Variants in SMIM35 observed in about 807,000 individuals in gnomAD.
The protein encoded by SMIM35 is small integral membrane protein 35.
intron 1 of SMIM35, among the ~76,000 whole-genome samples, chr11:118,024,138 A>AT (rs1304666585): frequency 6.0e-4 from 91 of 151,546 alleles, no homozygotes; most frequent in African/African-American, 2.2e-3. Context: ...AGAAAAAAAA[A>AT]TTTTGATGAG....
At chr11:118,030,030 G>A (rs1258135318) in intron 1 of SMIM35, among the ~76,000 whole-genome samples, 1 of 151,936 alleles carries the variant, frequency 6.6e-6, no homozygotes, top group Non-Finnish European at 1.5e-5. Context: ...GAATGGGCAG[G>A]GGGATATAAC....
At chr11:118,021,861 A>C (rs907893864) in intron 1 of SMIM35, among the ~76,000 whole-genome samples, 3 of 152,168 alleles carry the variant, frequency 2.0e-5, no homozygotes, top group Non-Finnish European at 4.4e-5. Context: ...CAATTGATAG[A>C]ACAGGAAATC....
intron 1 of SMIM35, among the ~76,000 whole-genome samples, chr11:118,086,441 G>T (rs1189092368): frequency 1.3e-5 from 2 of 152,264 alleles, no homozygotes; most frequent in African/African-American, 4.8e-5. Context: ...CAAGGCTGAG[G>T]TTAGACCCAA....
rs142074554 is a variant in SMIM35 at position 118,016,643 on chromosome 11, G to T, written c.8-834C>A. Among the ~76,000 whole-genome samples, 298 of 152,326 alleles carry T rather than the reference G, an allele frequency of 2.0e-3. 1 individual carries two copies. The highest frequency in any genetic ancestry group is 6.7e-3 in the African/African-American group (279 of 41,566). On this transcript the variant is annotated intron_variant, in intron 1 of 4. Coordinates refer to ENST00000689828, the MANE Select transcript of SMIM35 (RefSeq NM_001394165.1). ...GAACTCAGACTTTAGGTGCAGGCTA[G>T]CATCTGAAGCCTAGATCCACTATTT...
At chr11:118,076,671 T>C (rs1565401445) in intron 1 of SMIM35, among the ~76,000 whole-genome samples, 1 of 152,086 alleles carries the variant, frequency 6.6e-6, no homozygotes, top group Non-Finnish European at 1.5e-5. Flanking sequence ...AACTCCCTCC[T>C]TCTCTGTGGA....
Position 118,007,648 on chromosome 11 carries a change from C to T in SMIM35, c.*34-1272G>A, listed in dbSNP as rs573452836. ...TGACCTTGTGATCCACCCGCCTTGGCCTCCCAAAGTGCTGGGATTATAGGT... is the reference window on the plus strand; with the variant it reads ...TGACCTTGTGATCCACCCGCCTTGGTCTCCCAAAGTGCTGGGATTATAGGT... On this transcript the variant is annotated intron_variant, in intron 4 of 4. Transcript: ENST00000689828. Among the ~76,000 whole-genome samples the T allele has an allele frequency of 1.1e-4, 17 of 152,228 alleles. No individual in the cohort carries two copies. The East Asian group carries it at 3.1e-3, about 28-fold the overall frequency.
At chr11:118,064,982 C>A (rs1944449221) in intron 1 of SMIM35, among the ~76,000 whole-genome samples, 1 of 152,206 alleles carries the variant, frequency 6.6e-6, no homozygotes, top group Non-Finnish European at 1.5e-5. Context: ...CTGGGTCAAG[C>A]CCCGAGTGGG....
chr11:118,016,766 G>A (rs1430766507), intron 1 of SMIM35, among the ~76,000 whole-genome samples: 1 of 152,204 alleles, frequency 6.6e-6, no homozygotes, highest in African/African-American at 2.4e-5. Flanking sequence ...CACATAGATT[G>A]TTGTGACAAT....
chr11:118,020,297 T>A (rs543295476), intron 1 of SMIM35, among the ~76,000 whole-genome samples: 1 of 152,220 alleles, frequency 6.6e-6, no homozygotes, highest in Non-Finnish European at 1.5e-5. Context: ...AATATATAAA[T>A]AAATCTTGAT....
chr11:118,006,992 T>A (rs568946701), intron 4 of SMIM35, among the ~76,000 whole-genome samples: 1 of 152,282 alleles, frequency 6.6e-6, no homozygotes, highest in African/African-American at 2.4e-5. Context: ...CCTCTGGAAA[T>A]ACAAAAGGCA....
At chr11:118,016,756 C>T (rs891526427) in intron 1 of SMIM35, among the ~76,000 whole-genome samples, 1 of 152,186 alleles carries the variant, frequency 6.6e-6, no homozygotes, top group African/African-American at 2.4e-5. Flanking sequence ...ATATTAAATA[C>T]ACATAGATTG....
At chr11:118,066,387 C>T (rs976870073) in intron 1 of SMIM35, among the ~76,000 whole-genome samples, 1 of 152,056 alleles carries the variant, frequency 6.6e-6, no homozygotes, top group Non-Finnish European at 1.5e-5. Context: ...TCTCTCTACC[C>T]CAGGCTCTCC....
At chr11:118,044,629 C>T (rs560860032) in intron 1 of SMIM35, among the ~76,000 whole-genome samples, 2 of 152,000 alleles carry the variant, frequency 1.3e-5, no homozygotes, top group Non-Finnish European at 2.9e-5. Flanking sequence ...CAAAAATTAG[C>T]CAGGCGTGGT....
intron 4 of SMIM35, among the ~76,000 whole-genome samples, chr11:118,013,138 G>C (rs933169449): frequency 6.6e-6 from 1 of 152,180 alleles, no homozygotes; most frequent in Non-Finnish European, 1.5e-5. Flanking sequence ...GGCTGGTGGC[G>C]TATCCAGAGG....
intron 1 of SMIM35, among the ~76,000 whole-genome samples, chr11:118,063,932 T>C (rs566030634): frequency 1.3e-5 from 2 of 152,214 alleles, no homozygotes; most frequent in African/African-American, 2.4e-5. Flanking sequence ...TCCTAAGTTC[T>C]CTGAGTCACT....
At chr11:118,011,584 T>C (rs1307826419) in intron 4 of SMIM35, among the ~76,000 whole-genome samples, 5 of 151,786 alleles carry the variant, frequency 3.3e-5, no homozygotes, top group Non-Finnish European at 7.4e-5. Flanking sequence ...CCCAGCTACT[T>C]GGGAGGCTGA....
intron 4 of SMIM35, among the ~76,000 whole-genome samples, chr11:118,012,603 C>T (rs116408604): frequency 0.014 from 2,095 of 152,300 alleles, 38 homozygotes; most frequent in African/African-American, 0.048. Flanking sequence ...CTAGACTGTT[C>T]TCAGCACTGC....
intron 1 of SMIM35, among the ~76,000 whole-genome samples, chr11:118,082,980 A>G (rs1314748656): frequency 6.6e-6 from 1 of 152,164 alleles, no homozygotes; most frequent in Non-Finnish European, 1.5e-5. Context: ...TATGGGACAC[A>G]GAGAGAAAAA....
chr11:118,078,693 G>A (rs990152152), intron 1 of SMIM35, among the ~76,000 whole-genome samples: 5 of 152,154 alleles, frequency 3.3e-5, no homozygotes, highest in African/African-American at 7.2e-5. Context: ...GAGACCTGGG[G>A]TGTCTCTTGG....
Sources: gnomAD v4.1 joint callset for allele counts (sites outside exome capture counted in the v4.1 genomes callset) on GRCh38, gnomAD v4.1.1 for gene constraint, MANE v1.5 for transcripts, NCBI Gene and HGNC (gene_info 2026-07-23, HGNC 2026-07-21) for gene names.